TIE1: variants seen among roughly 807,000 people sequenced by gnomAD.
TIE1 encodes tyrosine kinase with immunoglobulin like and EGF like domains 1.
In TIE1, 89 loss-of-function variants were observed where a neutral mutation model predicts 130.5. The ratio of observed to expected loss-of-function variants is 0.68; its 90% confidence interval spans 0.57 to 0.81. The LOEUF (loss-of-function observed/expected upper bound fraction) is 0.81, where lower values mean the gene tolerates loss of function less well. Ranked by LOEUF, TIE1 falls within the 40% of genes least tolerant of loss-of-function variation. The pLI is 0.00. For synonymous variants in TIE1, 568 were observed against 629.4 expected, an observed-to-expected ratio of 0.90 and a Z score of 1.46; for missense variants, 1,392 against 1,559.8, an observed-to-expected ratio of 0.89 and a Z score of 1.81.
intron 9 of TIE1, among the ~76,000 whole-genome samples, chr1:43,311,377 CG>C (rs1469704403): frequency 6.6e-6 from 1 of 151,806 alleles, no homozygotes; most frequent in Non-Finnish European, 1.5e-5. Context: ...ACCTGGGTTT[CG>C]GCCCCTTCTG....
At chr1:43,311,084 T>G (rs561693435) in intron 9 of TIE1, among the ~76,000 whole-genome samples, 1 of 152,262 alleles carries the variant, frequency 6.6e-6, no homozygotes, top group African/African-American at 2.4e-5. Context: ...AATGGATAGA[T>G]CTGAGGCGGC....
Position 43,307,636 on chromosome 1 carries a change from C to T in TIE1, c.913+64C>T. The T allele has an allele frequency of 1.2e-6, 2 of 1,610,536 alleles. No homozygotes were observed. Among genetic ancestry groups the T allele is most frequent in the Non-Finnish European group, 1.7e-6 (2 of 1,177,474 alleles). ...GCTGGCCAGGAGCTTGACCCGGACC[C>T]TCCACTCTGCCTCTGACTTACGCAG... On this transcript the variant is annotated intron_variant, in intron 6 of 22. Coordinates refer to ENST00000372476, the MANE Select transcript of TIE1 (RefSeq NM_005424.5). This position sits in a 1 kb window ranked among gnomAD's most constrained non-coding sequence, Gnocchi z 5.4.
chr1:43,301,174 C>T (rs1646666143), intron 1 of TIE1, 45 bp downstream of exon 1: 1 of 1,590,152 alleles, frequency 6.3e-7, no homozygotes, highest in Middle Eastern at 1.7e-4. Flanking sequence ...GGCCCCGAGG[C>T]CCTGATTTCT....
At position 43,317,737 on chromosome 1, in the gene TIE1, C is replaced by G. The variant is rs935410290; in HGVS notation, c.2731+63C>G. The G allele has an allele frequency of 3.7e-4, 543 of 1,487,460 alleles. 1 individual carries two copies. The highest frequency in any genetic ancestry group is 3.5e-4 in the Non-Finnish European group (385 of 1,086,294). 92.1% of individuals were successfully genotyped at this position (1,487,460 alleles called of 1,614,324 possible). ...CCCCCATCCTCAGCCATCACCTCCA[C>G]CACATGAGTAGCTTGCCAGGGGCTG... is the stretch of plus-strand genomic sequence containing the variant. On this transcript the variant is annotated intron_variant, in intron 16 of 22. Coordinates refer to ENST00000372476, the MANE Select transcript of TIE1 (RefSeq NM_005424.5). This position sits in a 1 kb window ranked among gnomAD's most constrained non-coding sequence, Gnocchi z 5.1.
In TIE1 at chr1:43,307,693, T is replaced by C; in HGVS notation, c.914-103T>C. ...CTCCTGCTCACTTGACCAGTCCTTC[T>C]ATCCTCAGCCTGTTGTATAACCTGT... On this transcript the variant is annotated intron_variant, in intron 6 of 22. Transcript: ENST00000372476. This position sits in a 1 kb window ranked among gnomAD's most constrained non-coding sequence, Gnocchi z 5.4. 2 of 1,599,010 alleles carry C rather than the reference T, an allele frequency of 1.3e-6. No homozygotes were observed. Among genetic ancestry groups the C allele is most frequent in the Non-Finnish European group, 1.7e-6 (2 of 1,169,958 alleles).
rs2153912703 is a variant in TIE1, at chr1:43,317,633, A to G, written c.2690A>G (p.His897Arg). Residue 897 changes from histidine (H) to arginine (R), a missense_variant, in exon 16 of 23, where the codon CAC becomes CGC. Physicochemically the swap from His to Arg is conservative, Grantham distance 29 (BLOSUM62 0). Coordinates refer to ENST00000372476, the MANE Select transcript of TIE1 (RefSeq NM_005424.5). This position sits in a 1 kb window ranked among gnomAD's most constrained non-coding sequence, Gnocchi z 5.1. The stretch of plus-strand genomic sequence containing the variant: ...GAAGTTCTGTGCAAATTGGGGCATC[A>G]CCCCAACATCATCAACCTCCTGGGG... The part of the protein sequence containing the change: ...ELEVLCKLGH[H>R]PNIINLLGAC... The G allele has an allele frequency of 6.2e-7, 1 of 1,604,944 alleles. No individual in the cohort carries two copies. The highest frequency in any genetic ancestry group is 8.5e-7 in the Non-Finnish European group (1 of 1,174,530).
At position 43,309,595 on chromosome 1, in the gene TIE1, G is replaced by T; in HGVS notation, c.1333+63G>T. ...AGCAGAGTAGGCTCTAGATGATGCT[G>T]CTCAGGCTGGAGATACTAGCAGGAA... is the stretch of plus-strand genomic sequence containing the variant. On this transcript the variant is annotated intron_variant, in intron 9 of 22. Coordinates refer to ENST00000372476, the MANE Select transcript of TIE1 (RefSeq NM_005424.5). This position sits in a 1 kb window ranked among gnomAD's most constrained non-coding sequence, Gnocchi z 6.3. The T allele has an allele frequency of 6.7e-7, 1 of 1,502,078 alleles. No homozygotes were observed. The highest frequency in any genetic ancestry group is 8.9e-7 in the Non-Finnish European group (1 of 1,126,266). The allele number at this position is 1,502,078 out of a possible 1,614,324, so 93.0% of individuals were successfully genotyped here.
chr1:43,321,850 G>C (rs993007515), intron 22 of TIE1, 135 bp downstream of exon 22: 1 of 816,390 alleles, frequency 1.2e-6, no homozygotes, highest in African/African-American at 1.7e-5. Context: ...ACCACGGCTA[G>C]GCTGGGCCCC....
At position 43,317,308 on chromosome 1, in the gene TIE1, C is replaced by T. The variant is rs1001066309; in HGVS notation, c.2519C>T (p.Thr840Ile). ...SYPVLEWEDI[T>I]FEDLIGEGNF... ...CCAGTGCTAGAGTGGGAGGACATCA[C>T]CTTTGAGGACCTCATCGGGGAGGGG... The change falls in exon 15 of 23, where the codon ACC becomes ATC. Residue 840 changes from threonine to isoleucine, a missense_variant. By Grantham distance (89) the Thr-to-Ile change is moderately conservative. Coordinates refer to ENST00000372476, the MANE Select transcript of TIE1 (RefSeq NM_005424.5). This position sits in a 1 kb window ranked among gnomAD's most constrained non-coding sequence, Gnocchi z 5.1. 2 of 1,614,020 alleles carry T rather than the reference C, an allele frequency of 1.2e-6. No individual in the cohort carries two copies. Among genetic ancestry groups the T allele is most frequent in the African/African-American group, 1.3e-5 (1 of 74,898 alleles).
In TIE1 at chr1:43,321,356, G is replaced by A. The variant is rs2296477; in HGVS notation, c.3149-40G>A. 7.6e-4 allele frequency: 1,234 copies of A among 1,613,742 alleles called. 16 individuals are homozygous for A. In the East Asian group the frequency reaches 0.021, roughly 27 times the overall value. On this transcript the variant is annotated intron_variant, in intron 20 of 22. Coordinates refer to ENST00000372476, the MANE Select transcript of TIE1 (RefSeq NM_005424.5). ...CCCAGAGTGCCCCACCTTACCCCAC[G>A]TGGAGCCCTGGACCGAGAGCACTTT...
At chr1:43,301,666 C>A (rs958090841) in intron 1 of TIE1, among the ~76,000 whole-genome samples, 1 of 151,470 alleles carries the variant, frequency 6.6e-6, no homozygotes, top group African/African-American at 2.4e-5. Flanking sequence ...GTCAGGAGAT[C>A]GAGACCAGCC....
rs1380653754 is a variant in TIE1, at chr1:43,313,632, C to T, written c.2219-146C>T. 1.9e-6 allele frequency: 2 copies of T among 1,065,248 alleles called. No homozygotes were observed. Among genetic ancestry groups the T allele is most frequent in the Non-Finnish European group, 1.3e-6 (1 of 754,882 alleles). 66.0% of individuals were successfully genotyped at this position (1,065,248 alleles called of 1,614,324 possible). A position where few individuals can be genotyped will look rare whatever the true frequency, so the allele number is the denominator to read the frequency against. On this transcript the variant is annotated intron_variant, in intron 13 of 22. Transcript: ENST00000372476. The surrounding 1 kb of genome is among the most constrained non-coding windows in gnomAD (Gnocchi z 6.2). ...AAATCATGTCGCCCCTCTGACACCC[C>T]TCATCCCTTCCTTCATGTGGCCCAA...
In TIE1 at chr1:43,304,848, C is replaced by T; in HGVS notation, c.59-3C>T. ...AATAGAGTCACTGGTGTCCTGGCCC[C>T]AGGCGCGGCGGTGGACCTGACGCTG... On this transcript the variant is annotated splice_polypyrimidine_tract_variant and splice_region_variant and intron_variant, in intron 1 of 22. Transcript: ENST00000372476. 1.4e-6 allele frequency: 2 copies of T among 1,417,412 alleles called. No individual in the cohort carries two copies. The highest frequency in any genetic ancestry group is 3.1e-5 in the South Asian group (2 of 65,520). The allele number at this position is 1,417,412 out of a possible 1,614,324, so 87.8% of individuals were successfully genotyped here. A position where few individuals can be genotyped will look rare whatever the true frequency, so the allele number is the denominator to read the frequency against.
At chr1:43,308,447 TA>T (rs1486208645) in intron 7 of TIE1, among the ~76,000 whole-genome samples, 4 of 78,378 alleles carry the variant, frequency 5.1e-5, no homozygotes, top group African/African-American at 2.0e-4. Flanking sequence ...GACAGTGGGG[TA>T]GGGGACCCAG....
chr1:43,302,550 A>G (rs137987561), intron 1 of TIE1: 3 of 152,402 alleles, frequency 2.0e-5, no homozygotes, highest in African/African-American at 7.2e-5. Flanking sequence ...AGATTTCACT[A>G]AGAGGGGTGG....
At chr1:43,310,705 G>A (rs558588264) in intron 9 of TIE1, among the ~76,000 whole-genome samples, 3 of 152,172 alleles carry the variant, frequency 2.0e-5, no homozygotes, top group African/African-American at 7.2e-5. Flanking sequence ...ATGATTCGGA[G>A]GCCCATTTTA....
rs1262906623 is a variant in TIE1 at position 43,317,001 on chromosome 1, G to A, written c.2410-198G>A. On this transcript the variant is annotated intron_variant, in intron 14 of 22. Transcript: ENST00000372476. This position sits in a 1 kb window ranked among gnomAD's most constrained non-coding sequence, Gnocchi z 5.1. Reference sequence around the variant, plus strand: ...TCTGTCCACCCAGCAGCCTACCTGTGGCTCTGTTACCTATGATTCTGTCTC... The same window carrying A: ...TCTGTCCACCCAGCAGCCTACCTGTAGCTCTGTTACCTATGATTCTGTCTC... Among the ~76,000 whole-genome samples the A allele has an allele frequency of 6.6e-6, 1 of 151,892 alleles. No individual in the cohort carries two copies. The highest frequency in any genetic ancestry group is 2.4e-5 in the African/African-American group (1 of 41,326).
rs537386571 is a variant in TIE1 at position 43,318,187 on chromosome 1, G to A, written c.2922+115G>A. ...GGGGATTGAGGTTCCTGGCCCAAGT[G>A]TGTGGGTGGGTGCAAGCACAGCGAG... On this transcript the variant is annotated intron_variant, in intron 17 of 22. Coordinates refer to ENST00000372476, the MANE Select transcript of TIE1 (RefSeq NM_005424.5). This position sits in a 1 kb window ranked among gnomAD's most constrained non-coding sequence, Gnocchi z 4.4. 3 of 1,306,158 alleles carry A rather than the reference G, an allele frequency of 2.3e-6. No individual in the cohort carries two copies. The highest frequency in any genetic ancestry group is 2.5e-5 in the East Asian group (1 of 39,544). 80.9% of individuals were successfully genotyped at this position (1,306,158 alleles called of 1,614,324 possible). A position where few individuals can be genotyped will look rare whatever the true frequency, so the allele number is the denominator to read the frequency against.
rs534340777 is a variant in TIE1, at chr1:43,321,682, G to T, written c.3312G>T (p.Ala1104=). 1 of 1,553,204 alleles carries T rather than the reference G, an allele frequency of 6.4e-7. No individual in the cohort carries two copies. ...AGCGACCCCCCTTTGCCCAGATTGC[G>T]CTACAGCTAGGCCGCATGCTGGAAG... The part of the protein sequence containing the change: ...PYERPPFAQI[A]LQLGRMLEAR... Residue 1104 remains alanine, a synonymous_variant, in exon 22 of 23, where the codon GCG becomes GCT. Coordinates refer to ENST00000372476, the MANE Select transcript of TIE1 (RefSeq NM_005424.5).
Sources: gnomAD v4.1 joint callset for allele counts (sites outside exome capture counted in the v4.1 genomes callset) on GRCh38, gnomAD v4.1.1 for gene constraint, Gnocchi (gnomAD v3.1) non-coding constraint, MANE v1.5 for transcripts, NCBI Gene and HGNC (gene_info 2026-07-23, HGNC 2026-07-21) for gene names.